The following GRIK5 variants were observed in gnomAD, a reference collection of about 807,000 sequenced individuals.
GRIK5 encodes the protein glutamate ionotropic receptor kainate type subunit 5, also known as glutamate receptor ionotropic, kainate 5.
GRIK5 carries 43 observed loss-of-function variants against 97.4 expected under a neutral mutation model. That is an observed-to-expected ratio of 0.44 (90% CI 0.35 to 0.57). The LOEUF (loss-of-function observed/expected upper bound fraction) is 0.57. GRIK5 is among the 20% of genes least tolerant of loss of function. The pLI is 0.01. For synonymous variants in GRIK5, 580 were observed against 583.5 expected (o/e 0.99, Z 0.09); for missense variants, 1,015 against 1,382.0 (o/e 0.73, Z 4.21).
Position 42,056,760 on chromosome 19 carries a change from T to G in GRIK5, c.805A>C (p.Met269Leu), listed in dbSNP as rs542360723. Residue 269 changes from methionine to leucine, a missense_variant, in exon 8 of 20, where the codon ATG (methionine) becomes CTG (leucine). By Grantham distance (15) the Met-to-Leu change is conservative. Coordinates refer to ENST00000593562, the MANE Select transcript of GRIK5 (RefSeq NM_002088.5). ...TAGAAGGGGTGGGACGTGTTGAACA[T>G]GGAGAAGCCCAGGATGTTGGAGGAG... ...EDSSNILGFSMFNTSHPFYPE... is the reference protein window; with the variant it reads ...EDSSNILGFSLFNTSHPFYPE... 4 of 1,613,968 alleles carry G rather than the reference T, an allele frequency of 2.5e-6. No individual in the cohort carries two copies. Among genetic ancestry groups the G allele is most frequent in the East Asian group, 4.5e-5 (2 of 44,874 alleles).
At chr19:42,043,663 C>T (rs1429366964) in intron 11 of GRIK5, among the ~76,000 whole-genome samples, 1 of 151,936 alleles carries the variant, frequency 6.6e-6, no homozygotes, top group Non-Finnish European at 1.5e-5. Context: ...CCGCCCACCT[C>T]GGCCTCCCAA....
intron 15 of GRIK5, among the ~76,000 whole-genome samples, chr19:42,016,838 C>T (rs182293412): frequency 6.0e-4 from 91 of 152,120 alleles, no homozygotes; most frequent in African/African-American, 2.0e-3. Flanking sequence ...TGGTGCTCAG[C>T]GTAGGACAGC....
At position 41,998,992 on chromosome 19, in the gene GRIK5, G is replaced by A; in HGVS notation, c.2822C>T (p.Ala941Val). 2.5e-6 allele frequency: 3 copies of A among 1,212,596 alleles called. No individual in the cohort carries two copies. Among genetic ancestry groups the A allele is most frequent in the Non-Finnish European group, 3.1e-6 (3 of 968,842 alleles). 75.1% of individuals were successfully genotyped at this position (1,212,596 alleles called of 1,614,324 possible). A position where few individuals can be genotyped will look rare whatever the true frequency, so the allele number is the denominator to read the frequency against. Residue 941 changes from alanine (A) to valine (V), a missense_variant, in exon 20 of 20, where the codon GCG becomes GTG. Ala to Val is a moderately conservative substitution (Grantham distance 64). Around this residue, in one of 5 missense-constraint regions of GRIK5, gnomAD observed 109 missense variants for 100.4 expected, o/e 1.09. Coordinates refer to ENST00000593562, the MANE Select transcript of GRIK5 (RefSeq NM_002088.5). ...RVCQECRRIQ[A>V]LRASGAGAPP... ...CGCGCCGGCCCCCGAGGCCCGCAGCGCCTGGATGCGCCGGCACTCCTGGCA... is the reference window on the plus strand; with the variant it reads ...CGCGCCGGCCCCCGAGGCCCGCAGCACCTGGATGCGCCGGCACTCCTGGCA...
rs782300533 is a variant in GRIK5, at chr19:42,002,897, G to A, written c.2514+435C>T. On this transcript the variant is annotated intron_variant, in intron 19 of 19. Coordinates refer to ENST00000593562, the MANE Select transcript of GRIK5 (RefSeq NM_002088.5). The surrounding 1 kb of genome is among the most constrained non-coding windows in gnomAD (Gnocchi z 5.2). ...ATTACAGGTGTGCACCACCATGCCCGGCTAATTTTTGTATTTTTAGTAGAG... is the reference window on the plus strand; with the variant it reads ...ATTACAGGTGTGCACCACCATGCCCAGCTAATTTTTGTATTTTTAGTAGAG... Among the ~76,000 whole-genome samples, 1 of 152,008 alleles carries A rather than the reference G, an allele frequency of 6.6e-6. No individual in the cohort carries two copies. Among genetic ancestry groups the A allele is most frequent in the Non-Finnish European group, 1.5e-5 (1 of 68,002 alleles).
At position 42,042,511 on chromosome 19, in the gene GRIK5, G is replaced by C; in HGVS notation, c.1473+41C>G. ...CCCAGCTGCCCGCCCTCCCTCACTC[G>C]CCGGGTCCATGCATCTTTCCCGGCC... On this transcript the variant is annotated intron_variant, in intron 12 of 19. Coordinates refer to ENST00000593562, the MANE Select transcript of GRIK5 (RefSeq NM_002088.5). This position sits in a 1 kb window ranked among gnomAD's most constrained non-coding sequence, Gnocchi z 6.9. 1 of 1,545,572 alleles carries C rather than the reference G, an allele frequency of 6.5e-7. No homozygotes were observed. The highest frequency in any genetic ancestry group is 1.4e-5 in the African/African-American group (1 of 73,874).
At chr19:42,036,379 G>T (rs566439449) in intron 12 of GRIK5, among the ~76,000 whole-genome samples, 1 of 149,312 alleles carries the variant, frequency 6.7e-6, no homozygotes, top group African/African-American at 2.5e-5. Flanking sequence ...TTAAAACAGG[G>T]TCTCACTCTG....
rs145099284 is a variant in GRIK5, at chr19:42,043,207, T to G, written c.1270-452A>C. Among the ~76,000 whole-genome samples, 318 of 152,292 alleles carry G rather than the reference T, an allele frequency of 2.1e-3. 2 individuals carry two copies. Among genetic ancestry groups the G allele is most frequent in the African/African-American group, 7.0e-3 (289 of 41,558 alleles). ...AGACTTAATTCCACAGAACAGTCCT[T>G]GCCCTAGTAACTATGGGCAATACAC... On this transcript the variant is annotated intron_variant, in intron 11 of 19. Coordinates refer to ENST00000593562, the MANE Select transcript of GRIK5 (RefSeq NM_002088.5).
Position 42,053,592 on chromosome 19 carries a change from G to A in GRIK5, c.1269+10C>T. ...GCGCCACTCCCAGGCCCCCATCTAG[G>A]GCCACTCACCAGGATGGTTGTGACC... On this transcript the variant is annotated intron_variant, in intron 11 of 19. Transcript: ENST00000593562. 1 of 1,530,712 alleles carries A rather than the reference G, an allele frequency of 6.5e-7. No individual in the cohort carries two copies. Among genetic ancestry groups the A allele is most frequent in the South Asian group, 1.1e-5 (1 of 89,352 alleles). The allele number at this position is 1,530,712 out of a possible 1,614,324, so 94.8% of individuals were successfully genotyped here.
At chr19:42,037,968 G>A (rs2075929445) in intron 12 of GRIK5, among the ~76,000 whole-genome samples, 1 of 152,220 alleles carries the variant, frequency 6.6e-6, no homozygotes, top group Non-Finnish European at 1.5e-5. Flanking sequence ...CAGGTTTCCA[G>A]GGGCACGCCA....
chr19:42,015,492 G>T (rs1208197592), intron 15 of GRIK5, among the ~76,000 whole-genome samples: 1 of 152,194 alleles, frequency 6.6e-6, no homozygotes, highest in South Asian at 2.1e-4. Context: ...ATCAATCATA[G>T]AAAGATCTCT....
intron 15 of GRIK5, among the ~76,000 whole-genome samples, chr19:42,009,510 G>A (rs975685927): frequency 1.3e-5 from 2 of 151,608 alleles, no homozygotes; most frequent in Non-Finnish European, 2.9e-5. Context: ...GCTCACGCCT[G>A]TAATCCCAGC....
intron 3 of GRIK5, chr19:42,063,306 C>T (rs1568932338): frequency 2.2e-6 from 1 of 457,838 alleles, no homozygotes; most frequent in Admixed American, 2.3e-5. Context: ...CTTACTTCCT[C>T]CTCTTTCTTC....
chr19:42,018,668 C>CGGGGG (rs56212022), intron 15 of GRIK5, among the ~76,000 whole-genome samples: 4 of 5,044 alleles, frequency 7.9e-4, no homozygotes, highest in South Asian at 6.7e-3. Flanking sequence ...CAAAAAAAAG[C>CGGGGG]GGGGGGGGGG....
intron 12 of GRIK5, among the ~76,000 whole-genome samples, chr19:42,037,437 CGA>C (rs1568908788): frequency 6.6e-6 from 1 of 152,102 alleles, no homozygotes; most frequent in Non-Finnish European, 1.5e-5. Flanking sequence ...CCAGCCTGGG[CGA>C]CAGAGTGAGA....
At chr19:42,008,541 C>T (rs1165145883) in intron 15 of GRIK5, among the ~76,000 whole-genome samples, 5 of 152,026 alleles carry the variant, frequency 3.3e-5, no homozygotes, top group East Asian at 1.9e-4. Flanking sequence ...GCACGAGAAT[C>T]GTTGGAATCC....
At chr19:42,064,819 C>T (rs2076307717) in intron 3 of GRIK5, among the ~76,000 whole-genome samples, 1 of 152,216 alleles carries the variant, frequency 6.6e-6, no homozygotes. Context: ...GGAGCCACGC[C>T]ACTCTTTCTA....
At chr19:42,008,502 C>T (rs1234170404) in intron 15 of GRIK5, among the ~76,000 whole-genome samples, 1 of 152,178 alleles carries the variant, frequency 6.6e-6, no homozygotes, top group Non-Finnish European at 1.5e-5. Context: ...TAGCACACGC[C>T]TGTGATCCCA....
chr19:42,030,184 ATTTTTG>A (rs1357702029), intron 12 of GRIK5, among the ~76,000 whole-genome samples: 1 of 151,766 alleles, frequency 6.6e-6, no homozygotes, highest in African/African-American at 2.4e-5. Context: ...TTTTGTTTTT[ATTTTTG>A]TTTTTGTTTT....
intron 12 of GRIK5, among the ~76,000 whole-genome samples, chr19:42,028,559 T>A (rs954378725): frequency 6.6e-6 from 1 of 152,294 alleles, no homozygotes; most frequent in Middle Eastern, 3.4e-3. Flanking sequence ...AGCTTCCCAA[T>A]ATCTACAAAC....
Sources: allele counts gnomAD v4.1 joint callset (sites outside exome capture counted in the v4.1 genomes callset), GRCh38; gene constraint gnomAD v4.1.1; regional missense constraint gnomAD v4.1.1; non-coding constraint Gnocchi (gnomAD v3.1); transcripts MANE v1.5; gene names NCBI Gene and HGNC (gene_info 2026-07-23, HGNC 2026-07-21).